Variants in VMA22 observed in about 807,000 individuals in gnomAD.
The protein encoded by VMA22 is vacuolar ATPase assembly protein VMA22.
chr2:130,339,675 T>C, the VMA22 span: 1 of 1,304,600 alleles, frequency 7.7e-7, no homozygotes, highest in African/African-American at 1.5e-5. Flanking sequence ...GCAGCTCTCG[T>C]CTTCGGCCTC....
chr2:130,342,543 T>A, the VMA22 span: 1 of 462,292 alleles, frequency 2.2e-6, no homozygotes, highest in Non-Finnish European at 3.9e-6. Context: ...TCAGTCGGTG[T>A]GCGGTTTTTA....
chr2:130,341,864 C>T, the VMA22 span: 1 of 1,417,094 alleles, frequency 7.1e-7, no homozygotes, highest in Non-Finnish European at 9.4e-7. Context: ...AGACCTGGGG[C>T]TCCATGTGGG....
the VMA22 span, chr2:130,341,974 G>A: frequency 1.2e-6 from 2 of 1,612,898 alleles, no homozygotes; most frequent in African/African-American, 2.7e-5. Flanking sequence ...GTGAGACTCA[G>A]TTTACGCCCG....
the VMA22 span, chr2:130,342,463 T>C: frequency 1.0e-3 from 559 of 533,682 alleles, 2 homozygotes; most frequent in African/African-American, 9.0e-3. Context: ...GGCGAAGCTC[T>C]ACAGAAACCA....
chr2:130,340,523 C>T, the VMA22 span: 1 of 283,144 alleles, frequency 3.5e-6, no homozygotes, highest in South Asian at 3.0e-5. Context: ...ACCCACAAAG[C>T]TTTTCCTTCA....
chr2:130,339,593 C>T, the VMA22 span: 1 of 1,297,466 alleles, frequency 7.7e-7, no homozygotes, highest in Non-Finnish European at 1.0e-6. Context: ...TCTGTTAGTC[C>T]ACACTCTGGA....
the VMA22 span, chr2:130,342,044 G>A: frequency 6.2e-7 from 1 of 1,613,922 alleles, no homozygotes; most frequent in Admixed American, 1.7e-5. Context: ...AACACCGTTC[G>A]TTTCCCCTCC....
chr2:130,340,787 G>T, the VMA22 span: 2 of 1,242,794 alleles, frequency 1.6e-6, no homozygotes, highest in Non-Finnish European at 2.3e-6. Context: ...ACGGAAGTTT[G>T]GATGGAGGAA....
chr2:130,339,924 A>ACTG, the VMA22 span: 4 of 923,198 alleles, frequency 4.3e-6, no homozygotes, highest in Non-Finnish European at 5.7e-6. Flanking sequence ...AGTGCTATGC[A>ACTG]GTGGACTCCC....
the VMA22 span, chr2:130,341,546 T>G: frequency 1.2e-6 from 1 of 818,676 alleles, no homozygotes; most frequent in East Asian, 2.7e-5. Context: ...ACAAAAACAT[T>G]CTGTTCTTCT....
the VMA22 span, chr2:130,339,023 G>A: frequency 1.2e-6 from 1 of 855,654 alleles, no homozygotes; most frequent in East Asian, 2.6e-5. Context: ...CTGGCGTGGG[G>A]TAGGGGCAAG....
chr2:130,340,831 C>T, the VMA22 span: 1 of 1,558,804 alleles, frequency 6.4e-7, no homozygotes, highest in East Asian at 2.2e-5. Context: ...TAACCCCAGC[C>T]ATGGCAGCAG....
chr2:130,339,842 G>A, the VMA22 span: 19 of 1,266,496 alleles, frequency 1.5e-5, no homozygotes, highest in Non-Finnish European at 2.0e-5. Context: ...TACTCCCCAG[G>A]CCCTCTGCTG....
chr2:130,342,116 G>GCGCCGCCATGGACA, the VMA22 span: 1 of 1,613,610 alleles, frequency 6.2e-7, no homozygotes, highest in Non-Finnish European at 8.5e-7. Flanking sequence ...CGCAGGTCAA[G>GCGCCGCCATGGACA]CGCCGCCATG....
At chr2:130,339,138 C>A in the VMA22 span, 4 of 1,613,980 alleles carry the variant, frequency 2.5e-6, no homozygotes, top group South Asian at 4.4e-5. Context: ...CCCCAGGCTC[C>A]AGCTGCTTGA....
At chr2:130,342,404 G>A in the VMA22 span, 2 of 573,462 alleles carry the variant, frequency 3.5e-6, no homozygotes, top group Non-Finnish European at 6.1e-6. Flanking sequence ...AGTCCTTCCG[G>A]AAGCTGCCGA....
the VMA22 span, chr2:130,339,440 C>T: frequency 7.1e-7 from 1 of 1,415,510 alleles, no homozygotes; most frequent in Non-Finnish European, 9.2e-7. Flanking sequence ...ATGTCACCTC[C>T]TTAGACTTCC....
At chr2:130,340,810 C>T in the VMA22 span, 15 of 1,465,566 alleles carry the variant, frequency 1.0e-5, no homozygotes, top group Admixed American at 1.7e-5. Flanking sequence ...CCTGCAAAGC[C>T]TTTCACAGAC....
the VMA22 span, chr2:130,340,344 T>C: frequency 1.1e-4 from 19 of 174,098 alleles, 1 homozygote; most frequent in South Asian, 2.2e-3. Flanking sequence ...GTACAGCCAG[T>C]TGCACCATCC....
Sources: gnomAD v4.1 joint callset for allele counts on GRCh38, gnomAD v4.1.1 for gene constraint, MANE v1.5 for transcripts, NCBI Gene and HGNC (gene_info 2026-07-23, HGNC 2026-07-21) for gene names.